Variants in RGS6 observed in about 807,000 individuals in gnomAD.
RGS6 encodes regulator of G protein signaling 6.
Under a neutral mutation model 78.5 loss-of-function variants are expected in RGS6, and 30 were observed. The ratio of observed to expected loss-of-function variants is 0.38; its 90% CI spans 0.29 to 0.52. The LOEUF (loss-of-function observed/expected upper bound fraction) is 0.52, where lower values mean the gene tolerates loss of function less well. Among genes scored for constraint, RGS6 ranks in the 20% least tolerant of loss-of-function variants. RGS6 has a pLI of 0.85. For synonymous variants in RGS6, 206 were observed against 206.0 expected (o/e 1.00, Z 0.00); for missense variants, 495 against 609.7 (o/e 0.81, Z 1.98).
At chr14:72,518,329 T>C (rs1421732865) in intron 14 of RGS6, 22 bp from the exon 15 acceptor site, 8 of 1,608,822 alleles carry the variant, frequency 5.0e-6, no homozygotes, top group Non-Finnish European at 6.8e-6. Context: ...TGGAACTGAC[T>C]GTGTTTCTGC....
chr14:72,278,688 T>G (rs1032660811), intron 2 of RGS6, among the ~76,000 whole-genome samples: 1 of 152,220 alleles, frequency 6.6e-6, no homozygotes, highest in Non-Finnish European at 1.5e-5. Flanking sequence ...TGGGAGCTGG[T>G]CTGCCATCTT....
chr14:72,426,276 A>G lies in RGS6; in HGVS notation c.185-28252A>G, dbSNP rs1267607873. Among the ~76,000 whole-genome samples the G allele has an allele frequency of 3.3e-5, 5 of 152,314 alleles. No individual in the cohort carries two copies. The East Asian group carries it at 7.7e-4, about 23-fold the overall frequency. On this transcript the variant is annotated intron_variant, in intron 3 of 17. Transcript: ENST00000553525. ...CCATGACCGCACTGAGACTCAGAAAAGTTACATGACTTATTCAATATCACA... is the reference window on the plus strand; with the variant it reads ...CCATGACCGCACTGAGACTCAGAAAGGTTACATGACTTATTCAATATCACA...
rs142520574 is a variant in RGS6 at position 72,530,267 on chromosome 14, A to G, written c.1279-5919A>G. Among the ~76,000 whole-genome samples the G allele has an allele frequency of 2.7e-3, 409 of 152,342 alleles. 1 individual carries two copies. Among genetic ancestry groups the G allele is most frequent in the African/African-American group, 9.3e-3 (385 of 41,582 alleles). On this transcript the variant is annotated intron_variant, in intron 15 of 17. Coordinates refer to ENST00000553525, the MANE Select transcript of RGS6 (RefSeq NM_001204424.2). ...AGGGTCTGGAGAGGTTCCAGGCACT[A>G]TGATAGGCTTTTCCAGATGACTCAG...
intron 3 of RGS6, among the ~76,000 whole-genome samples, chr14:72,417,156 T>A (rs2093874692): frequency 6.6e-6 from 1 of 152,198 alleles, no homozygotes; most frequent in Non-Finnish European, 1.5e-5. Context: ...AGCGTTCTGG[T>A]TTCTTCAGCG....
At chr14:72,293,504 C>T (rs1007343689) in intron 2 of RGS6, among the ~76,000 whole-genome samples, 4 of 152,042 alleles carry the variant, frequency 2.6e-5, no homozygotes, top group Non-Finnish European at 5.9e-5. Context: ...TTTCCCACTT[C>T]CTCTCTCCTC....
At chr14:72,508,832 C>G (rs2096843865) in intron 13 of RGS6, among the ~76,000 whole-genome samples, 1 of 152,032 alleles carries the variant, frequency 6.6e-6, no homozygotes, top group East Asian at 1.9e-4. Flanking sequence ...TATGGTTCTT[C>G]TTCTGGTTCA....
At chr14:72,584,555 G>C in the RGS6 span, among the ~76,000 whole-genome samples, 1 of 152,178 alleles carries the variant, frequency 6.6e-6, no homozygotes, top group African/African-American at 2.4e-5. Context: ...GGGGTTGGGA[G>C]AAGAGCCAGT....
the RGS6 span, among the ~76,000 whole-genome samples, chr14:72,621,783 C>T: frequency 7.9e-5 from 12 of 152,160 alleles, no homozygotes; most frequent in Non-Finnish European, 1.3e-4. Flanking sequence ...ATTTAAGCAT[C>T]ATTGATTAGA....
chr14:72,540,185 G>A (rs1211720290), intron 17 of RGS6, 91 bp downstream of exon 17: 8 of 1,384,438 alleles, frequency 5.8e-6, no homozygotes, highest in Non-Finnish European at 7.7e-6. Flanking sequence ...TTTGGTTGTT[G>A]TTTCCTTTGG....
chr14:72,291,841 C>T (rs535389403), intron 2 of RGS6, among the ~76,000 whole-genome samples: 46 of 152,192 alleles, frequency 3.0e-4, no homozygotes, highest in African/African-American at 1.0e-3. Flanking sequence ...AAGTACTGAG[C>T]GCAATAGAAA....
intron 3 of RGS6, among the ~76,000 whole-genome samples, chr14:72,385,237 A>T (rs1333915195): frequency 6.6e-6 from 1 of 152,244 alleles, no homozygotes; most frequent in East Asian, 1.9e-4. Flanking sequence ...ATTACACCTG[A>T]AATTACATCC....
chr14:72,021,548 A>G (rs8015034), intron 2 of RGS6, among the ~76,000 whole-genome samples: 42,169 of 144,906 alleles, frequency 0.29, 6,321 homozygotes, highest in South Asian at 0.34. Flanking sequence ...AGCTCACTGC[A>G]AGCTCTGCCT....
intron 2 of RGS6, among the ~76,000 whole-genome samples, chr14:72,346,016 G>A (rs2681737): frequency 0.45 from 68,847 of 151,548 alleles, 15,887 homozygotes; most frequent in South Asian, 0.58. Flanking sequence ...TCACTCCTTT[G>A]CAGACACCAA....
intron 17 of RGS6, among the ~76,000 whole-genome samples, chr14:72,545,059 ACCTAG>A (rs1407709101): frequency 6.6e-6 from 1 of 152,220 alleles, no homozygotes; most frequent in Admixed American, 6.5e-5. Flanking sequence ...GTTCCCAAAT[ACCTAG>A]ACTCAGCAGA....
intron 3 of RGS6, among the ~76,000 whole-genome samples, chr14:72,359,307 T>C (rs953128147): frequency 1.3e-5 from 2 of 152,162 alleles, no homozygotes; most frequent in African/African-American, 4.8e-5. Context: ...TCCACACTTT[T>C]TGGCTTCAGC....
chr14:72,052,471 T>C (rs1172197915), intron 2 of RGS6, among the ~76,000 whole-genome samples: 3 of 152,198 alleles, frequency 2.0e-5, no homozygotes, highest in Non-Finnish European at 2.9e-5. Context: ...CCCAGTCTCT[T>C]GCTGCAGTGA....
chr14:72,534,217 G>T (rs1201711724), intron 15 of RGS6, among the ~76,000 whole-genome samples: 2 of 152,136 alleles, frequency 1.3e-5, no homozygotes. Context: ...CTCACCAAAG[G>T]CTCAGATGAT....
the RGS6 span, among the ~76,000 whole-genome samples, chr14:71,905,779 G>A: frequency 3.3e-5 from 5 of 152,196 alleles, no homozygotes; most frequent in Non-Finnish European, 7.3e-5. Context: ...ATGAGCTACT[G>A]TGTCTGGCCT....
intron 2 of RGS6, among the ~76,000 whole-genome samples, chr14:72,170,638 T>G (rs1296723225): frequency 6.6e-6 from 1 of 152,232 alleles, no homozygotes; most frequent in Non-Finnish European, 1.5e-5. Context: ...TTCTGTAGCT[T>G]ATTTAGATAG....
Sources: gnomAD v4.1 joint callset for allele counts (sites outside exome capture counted in the v4.1 genomes callset) on GRCh38, gnomAD v4.1.1 for gene constraint, MANE v1.5 for transcripts, NCBI Gene and HGNC (gene_info 2026-07-23, HGNC 2026-07-21) for gene names.